Variants in NFIB observed in about 807,000 individuals in gnomAD.
The protein encoded by NFIB is nuclear factor I B.
A neutral mutation model predicts 61.5 loss-of-function variants in NFIB; 11 were observed. The ratio of observed to expected loss-of-function variants is 0.18; its 90% CI spans 0.11 to 0.30. The LOEUF (loss-of-function observed/expected upper bound fraction) is 0.30. Among genes scored for constraint, NFIB ranks in the 10% least tolerant of loss-of-function variants. The probability of loss-of-function intolerance (pLI) is 1.00; values close to 1 mark genes in which losing one functional copy is unlikely to be tolerated. For synonymous variants in NFIB, 260 were observed against 216.5 expected, an observed-to-expected ratio of 1.20 and a Z score of -1.76; for missense variants, 471 against 608.9, an observed-to-expected ratio of 0.77 and a Z score of 2.38.
chr9:14,472,028 G>C, the NFIB span, among the ~76,000 whole-genome samples: 1 of 152,116 alleles, frequency 6.6e-6, no homozygotes, highest in Non-Finnish European at 1.5e-5. Flanking sequence ...ACTGCCCTTG[G>C]CACTCCTGTA....
the NFIB span, among the ~76,000 whole-genome samples, chr9:14,406,744 A>G: frequency 6.6e-6 from 1 of 152,168 alleles, no homozygotes; most frequent in Non-Finnish European, 1.5e-5. Context: ...AAAGGTGCAC[A>G]TGGACTGTGT....
At chr9:14,198,044 C>G (rs1256898812) in intron 2 of NFIB, among the ~76,000 whole-genome samples, 1 of 152,136 alleles carries the variant, frequency 6.6e-6, no homozygotes. Flanking sequence ...ACACGTTGCC[C>G]CCTATATTCA....
At chr9:14,233,835 A>AG (rs1352381826) in intron 2 of NFIB, among the ~76,000 whole-genome samples, 1 of 152,234 alleles carries the variant, frequency 6.6e-6, no homozygotes, top group Admixed American at 6.5e-5. Context: ...GAAATATTGT[A>AG]GCTTAATTCT....
chr9:14,113,565 C>A (rs78619531), intron 9 of NFIB, among the ~76,000 whole-genome samples: 2,911 of 152,200 alleles, frequency 0.019, 49 homozygotes, highest in Non-Finnish European at 0.03. Flanking sequence ...TGGAAAATGT[C>A]TTTCTTAAAA....
At chr9:14,200,432 C>T (rs762655860) in intron 2 of NFIB, among the ~76,000 whole-genome samples, 5 of 152,156 alleles carry the variant, frequency 3.3e-5, no homozygotes, top group South Asian at 2.1e-4. Context: ...TCTCTGATCA[C>T]GATGTGAGAT....
chr9:14,389,618 T>A (rs1169202187), intron 1 of NFIB, among the ~76,000 whole-genome samples: 2 of 152,186 alleles, frequency 1.3e-5, no homozygotes, highest in African/African-American at 4.8e-5. Context: ...AATATATAGA[T>A]GTCTACTTTA....
intron 10 of NFIB, among the ~76,000 whole-genome samples, chr9:14,108,191 A>C (rs1168292262): frequency 6.6e-6 from 1 of 152,130 alleles, no homozygotes; most frequent in Non-Finnish European, 1.5e-5. Flanking sequence ...GTTTTACGTC[A>C]AGCTGTCAAT....
At chr9:14,389,315 C>G (rs562483863) in intron 1 of NFIB, among the ~76,000 whole-genome samples, 3 of 152,260 alleles carry the variant, frequency 2.0e-5, no homozygotes, top group Admixed American at 2.0e-4. Context: ...ATCCCTCCCC[C>G]TTTCTCCTCC....
In NFIB at chr9:14,116,466, G is replaced by A. The variant is rs542447640; in HGVS notation, c.1246-120C>T. 5.5e-4 allele frequency: 587 copies of A among 1,057,742 alleles called. 10 individuals are homozygous for A. In the South Asian group the frequency reaches 0.016, roughly 28 times the overall value. 65.5% of individuals were successfully genotyped at this position (1,057,742 alleles called of 1,614,324 possible). On this transcript the variant is annotated intron_variant, in intron 8 of 10. Transcript: ENST00000380953. ...GCACACTGCGCATAGGCGCCACACA[G>A]GCCCTCTCGAGTCGGAGTCGGAGAG...
At chr9:14,262,747 G>C (rs1374231202) in intron 2 of NFIB, among the ~76,000 whole-genome samples, 1 of 152,292 alleles carries the variant, frequency 6.6e-6, no homozygotes, top group East Asian at 1.9e-4. Flanking sequence ...TACGCGTCAA[G>C]AGTCACTGGT....
At chr9:14,265,246 G>A (rs1025072151) in intron 2 of NFIB, among the ~76,000 whole-genome samples, 4 of 152,104 alleles carry the variant, frequency 2.6e-5, no homozygotes, top group South Asian at 4.1e-4. Context: ...CAGCTACAAC[G>A]GAGGTGTTAC....
the NFIB span, among the ~76,000 whole-genome samples, chr9:14,430,878 G>T: frequency 6.6e-6 from 1 of 152,048 alleles, no homozygotes; most frequent in Non-Finnish European, 1.5e-5. Context: ...CACCACGTCC[G>T]GCCCTGAAAT....
Position 14,088,240 on chromosome 9 carries a change from T to C in NFIB, c.*69A>G. On this transcript the variant is annotated 3_prime_UTR_variant, in exon 11 of 11. Transcript: ENST00000380953. ...TTGAAGGAAAGGTTCTCCAATTATG[T>C]TCAAACCGTAATTTTGGACATTGGC... The C allele has an allele frequency of 1.3e-6, 2 of 1,579,672 alleles. No homozygotes were observed. The highest frequency in any genetic ancestry group is 1.7e-6 in the Non-Finnish European group (2 of 1,160,190).
chr9:14,513,794 T>C, the NFIB span, among the ~76,000 whole-genome samples: 132 of 152,328 alleles, frequency 8.7e-4, no homozygotes, highest in Middle Eastern at 3.4e-3. Flanking sequence ...CTTTGTGACC[T>C]TAAGCAAGTT....
intron 2 of NFIB, among the ~76,000 whole-genome samples, chr9:14,275,343 C>A (rs1006916971): frequency 6.6e-6 from 1 of 152,104 alleles, no homozygotes; most frequent in African/African-American, 2.4e-5. Context: ...TTACTCTAAT[C>A]GTTGAACACA....
chr9:14,397,104 T>C (rs1329959912), intron 1 of NFIB, among the ~76,000 whole-genome samples: 1 of 152,210 alleles, frequency 6.6e-6, no homozygotes, highest in Non-Finnish European at 1.5e-5. Flanking sequence ...TCTCTCTCTC[T>C]TTCTTTCTCA....
the NFIB span, among the ~76,000 whole-genome samples, chr9:14,488,101 C>T: frequency 5.9e-5 from 9 of 152,190 alleles, 1 homozygote; most frequent in South Asian, 1.5e-3. Flanking sequence ...AGGCCAGGCA[C>T]GGTGGCTGGC....
intron 10 of NFIB, among the ~76,000 whole-genome samples, chr9:14,106,592 A>C (rs922691406): frequency 6.6e-6 from 1 of 152,118 alleles, no homozygotes; most frequent in African/African-American, 2.4e-5. Context: ...GAAAAAGGAT[A>C]GGGGCCATCT....
intron 2 of NFIB, among the ~76,000 whole-genome samples, chr9:14,202,662 T>A (rs1450648040): frequency 1.3e-5 from 2 of 152,228 alleles, no homozygotes; most frequent in African/African-American, 4.8e-5. Context: ...TCTACGTTTC[T>A]TGTCTTTTAG....
Sources: allele counts gnomAD v4.1 joint callset (sites outside exome capture counted in the v4.1 genomes callset), GRCh38; gene constraint gnomAD v4.1.1; transcripts MANE v1.5; gene names NCBI Gene and HGNC (gene_info 2026-07-23, HGNC 2026-07-21).